The following MTO1 variants were observed in gnomAD, a reference collection of about 807,000 sequenced individuals.
MTO1 encodes 5-taurinomethyluridine-[tRNA] synthase subunit MTO1, mitochondrial.
In MTO1, 46 loss-of-function variants were observed where a neutral mutation model predicts 71.6. The ratio of observed to expected loss-of-function variants is 0.64; its 90% CI spans 0.51 to 0.82. The LOEUF (loss-of-function observed/expected upper bound fraction) is 0.82, where lower values mean the gene tolerates loss of function less well. Among genes scored for constraint, MTO1 ranks in the 40% least tolerant of loss-of-function variants. The pLI is 0.00. For synonymous variants in MTO1, 297 were observed against 312.1 expected, an observed-to-expected ratio of 0.95 and a Z score of 0.51; for missense variants, 773 against 867.5, an observed-to-expected ratio of 0.89 and a Z score of 1.37.
chr6:73,474,481 A>C, intron 4 of MTO1, among the ~76,000 whole-genome samples: 1 of 152,060 alleles, frequency 6.6e-6, no homozygotes. Flanking sequence ...AGACAGTCTC[A>C]GTCTGTCGCC....
chr6:73,505,640 C>G lies in MTO1; in HGVS notation c.*4905C>G, dbSNP rs1338738380. ...GTGTGATCTTGGTTCACTGCAACCT[C>G]TGCCTCCTAGGTTCAAATGATTCTT... On this transcript the variant is annotated 3_prime_UTR_variant, in exon 12 of 12. Coordinates refer to ENST00000498286, the MANE Select transcript of MTO1 (RefSeq NM_012123.4). 6.6e-6 allele frequency: 1 copy of G among 152,218 alleles called. No homozygotes were observed. Among genetic ancestry groups the G allele is most frequent in the Non-Finnish European group, 1.5e-5 (1 of 68,056 alleles). The allele number at this position is 152,218 out of a possible 1,614,324, so 9.4% of individuals were successfully genotyped here. A position where few individuals can be genotyped will look rare whatever the true frequency, so the allele number is the denominator to read the frequency against.
Position 73,507,514 on chromosome 6 carries a change from T to C in MTO1, c.*6779T>C. ...TTAAAGTCTTACTGATCTCTTCCTA[T>C]GCTCCAATTTTATAGATATAACTTA... On this transcript the variant is annotated 3_prime_UTR_variant, in exon 12 of 12. Transcript: ENST00000498286. 6.6e-6 allele frequency: 1 copy of C among 152,248 alleles called. No individual in the cohort carries two copies. The highest frequency in any genetic ancestry group is 1.5e-5 in the Non-Finnish European group (1 of 68,038). The allele number at this position is 152,248 out of a possible 1,614,324, so 9.4% of individuals were successfully genotyped here. A position where few individuals can be genotyped will look rare whatever the true frequency, so the allele number is the denominator to read the frequency against.
intron 9 of MTO1, among the ~76,000 whole-genome samples, chr6:73,486,209 CTGGGA>C (rs1235173276): frequency 2.0e-5 from 3 of 152,112 alleles, no homozygotes; most frequent in Non-Finnish European, 4.4e-5. Flanking sequence ...TCCCAAAGTG[CTGGGA>C]TTACAGACAT....
intron 10 of MTO1, among the ~76,000 whole-genome samples, chr6:73,496,233 G>A (rs557766384): frequency 1.6e-3 from 240 of 152,252 alleles, no homozygotes; most frequent in South Asian, 2.9e-3. Context: ...AACCTCAGAG[G>A]ACTCCCTTTC....
intron 7 of MTO1, among the ~76,000 whole-genome samples, chr6:73,481,823 GATAT>G (rs1771502001): frequency 1.3e-5 from 2 of 152,054 alleles, no homozygotes; most frequent in African/African-American, 2.4e-5. Flanking sequence ...AGATTAGATG[GATAT>G]CTCTGAAAAC....
At chr6:73,487,340 C>T (rs541609745) in intron 9 of MTO1, among the ~76,000 whole-genome samples, 5 of 151,788 alleles carry the variant, frequency 3.3e-5, no homozygotes, top group African/African-American at 9.7e-5. Flanking sequence ...TACAGGCACC[C>T]ACCAGTAATC....
In MTO1 at chr6:73,466,352, G is replaced by A. The variant is rs1222415874; in HGVS notation, c.361G>A (p.Ala121Thr). 1 of 1,614,174 alleles carries A rather than the reference G, an allele frequency of 6.2e-7. No individual in the cohort carries two copies. Among genetic ancestry groups the A allele is most frequent in the Non-Finnish European group, 8.5e-7 (1 of 1,180,042 alleles). ...AGTATTAAACCGGCGTAAGGGACCA[G>A]CTGTGTGGGGTCTGAGAGCTCAGAT... The part of the protein sequence containing the change: ...YKVLNRRKGP[A>T]VWGLRAQIDR... Residue 121 changes from alanine to threonine, a missense_variant, in exon 2 of 12, where the codon GCT (alanine) becomes ACT (threonine). Transcript: ENST00000498286.
Position 73,497,855 on chromosome 6 carries a change from C to T in MTO1, c.1876C>T (p.His626Tyr). 1.9e-6 allele frequency: 3 copies of T among 1,613,088 alleles called. No homozygotes were observed. Among genetic ancestry groups the T allele is most frequent in the Non-Finnish European group, 2.5e-6 (3 of 1,179,330 alleles). Residue 626 changes from histidine to tyrosine, a missense_variant, in exon 11 of 12, where the codon CAT becomes TAT. By Grantham distance (83) the His-to-Tyr change is moderately conservative. Coordinates refer to ENST00000498286, the MANE Select transcript of MTO1 (RefSeq NM_012123.4). ...GACTATCAGGGATGTGTCTTTGTCC[C>T]ATGAAGTTCGAGAGAAACTACATTT... The part of the protein sequence containing the change: ...YLTIRDVSLS[H>Y]EVREKLHFSR...
At chr6:73,474,381 C>G (rs1221968182) in intron 4 of MTO1, among the ~76,000 whole-genome samples, 1 of 152,114 alleles carries the variant, frequency 6.6e-6, no homozygotes, top group Non-Finnish European at 1.5e-5. Flanking sequence ...CTGCACTCAG[C>G]CTAAAGAAGT....
At position 73,501,026 on chromosome 6, in the gene MTO1, C is replaced by G. The variant is rs1342038483; in HGVS notation, c.*291C>G. ...CTAAAACTGAACCTGGAATAAAACT[C>G]AACATGCAGATTTGCCTACTCATAG... On this transcript the variant is annotated 3_prime_UTR_variant, in exon 12 of 12. Transcript: ENST00000498286. 2 of 217,052 alleles carry G rather than the reference C, an allele frequency of 9.2e-6. No homozygotes were observed. The highest frequency in any genetic ancestry group is 4.5e-5 in the African/African-American group (2 of 44,148). The allele number at this position is 217,052 out of a possible 1,614,324, so 13.4% of individuals were successfully genotyped here. A position where few individuals can be genotyped will look rare whatever the true frequency, so the allele number is the denominator to read the frequency against.
At chr6:73,480,946 A>G in intron 7 of MTO1, 141 bp downstream of exon 7, 1 of 574,572 alleles carries the variant, frequency 1.7e-6, no homozygotes, top group Non-Finnish European at 2.8e-6. Context: ...GGGTGTTTGG[A>G]GATGGCTTTT....
intron 3 of MTO1, among the ~76,000 whole-genome samples, chr6:73,467,175 G>A (rs1006895999): frequency 1.3e-5 from 2 of 151,940 alleles, no homozygotes; most frequent in Non-Finnish European, 2.9e-5. Flanking sequence ...ATTAGCCGGT[G>A]TGGTAGCAGG....
Position 73,503,175 on chromosome 6 carries a change from CAT to C in MTO1, c.*2442_*2443del, listed in dbSNP as rs1561957145. The C allele has an allele frequency of 1.3e-5, 2 of 152,082 alleles. No individual in the cohort carries two copies. The highest frequency in any genetic ancestry group is 2.9e-5 in the Non-Finnish European group (2 of 68,044). The allele number at this position is 152,082 out of a possible 1,614,324, so 9.4% of individuals were successfully genotyped here. ...CCAGGCTGTAGTGCAGTGGTACAAT[CAT>C]AGCTCACTGCAGCCTTGATCTCCTG... On this transcript the variant is annotated 3_prime_UTR_variant, in exon 12 of 12. Coordinates refer to ENST00000498286, the MANE Select transcript of MTO1 (RefSeq NM_012123.4).
chr6:73,509,136 G>A lies in MTO1; in HGVS notation c.*8401G>A, dbSNP rs970682424. ...GAAAATATAACCAAGTTTTATTTAT[G>A]TTTTTCATTTGGTATTAGCCATCTG... On this transcript the variant is annotated 3_prime_UTR_variant, in exon 12 of 12. Coordinates refer to ENST00000498286, the MANE Select transcript of MTO1 (RefSeq NM_012123.4). 4 of 152,160 alleles carry A rather than the reference G, an allele frequency of 2.6e-5. No individual in the cohort carries two copies. The highest frequency in any genetic ancestry group is 2.6e-4 in the Admixed American group (4 of 15,264). The allele number at this position is 152,160 out of a possible 1,614,324, so 9.4% of individuals were successfully genotyped here.
intron 10 of MTO1, 116 bp from the exon 11 acceptor site, chr6:73,497,620 T>C (rs540390293): frequency 5.4e-5 from 56 of 1,028,322 alleles, no homozygotes; most frequent in Non-Finnish European, 7.6e-5. Context: ...GAAATGAGTG[T>C]TGAATGAGAT....
At chr6:73,484,242 G>A (rs571311652) in intron 9 of MTO1, among the ~76,000 whole-genome samples, 2 of 152,248 alleles carry the variant, frequency 1.3e-5, no homozygotes, top group East Asian at 3.9e-4. Context: ...AAGGATGGTG[G>A]ATATCTTTGT....
Position 73,500,614 on chromosome 6 carries a change from C to G in MTO1, c.1958C>G (p.Ala653Gly), listed in dbSNP as rs1772132642. 1 of 1,613,896 alleles carries G rather than the reference C, an allele frequency of 6.2e-7. No homozygotes were observed. The highest frequency in any genetic ancestry group is 1.1e-5 in the South Asian group (1 of 91,052). Residue 653 changes from alanine (A) to glycine (G), a missense_variant, in exon 12 of 12, where the codon GCC becomes GGC. Transcript: ENST00000498286. ...ASRIPGVTPA[A>G]IINLLRFVKT... is the part of the protein sequence containing the mutation. ...CGCATACCCGGAGTAACACCTGCCG[C>G]CATCATCAATCTGCTGAGATTTGTG... is the stretch of plus-strand genomic sequence containing the variant.
Position 73,473,384 on chromosome 6 carries a change from T to C in MTO1, c.555T>C (p.Tyr185=). The change falls in exon 4 of 12, where the codon TAT becomes TAC. Residue 185 remains tyrosine, a synonymous_variant. Coordinates refer to ENST00000498286, the MANE Select transcript of MTO1 (RefSeq NM_012123.4). ...ATTTAGTGGATGGAAGCACAGTATA[T>C]GCAGAGAGTGTGATTCTGACTACTG... The part of the protein sequence containing the change: ...GVVLVDGSTV[Y]AESVILTTGT... The C allele has an allele frequency of 1.2e-6, 2 of 1,613,932 alleles. No individual in the cohort carries two copies. The highest frequency in any genetic ancestry group is 2.2e-5 in the South Asian group (2 of 91,074).
At chr6:73,475,567 C>T (rs144817810) in intron 4 of MTO1, among the ~76,000 whole-genome samples, 1,652 of 150,384 alleles carry the variant, frequency 0.011, 25 homozygotes, top group African/African-American at 0.035. Flanking sequence ...CAGGCTGGAA[C>T]GCAACAGCAC....
Sources: allele counts gnomAD v4.1 joint callset (sites outside exome capture counted in the v4.1 genomes callset), GRCh38; gene constraint gnomAD v4.1.1; transcripts MANE v1.5; gene names NCBI Gene and HGNC (gene_info 2026-07-23, HGNC 2026-07-21).